FOXO3: variants seen among roughly 807,000 people sequenced by gnomAD.
FOXO3 encodes forkhead box protein O3.
FOXO3 carries 4 observed loss-of-function variants against 41.9 expected under a neutral mutation model. The ratio of observed to expected loss-of-function variants is 0.10; its 90% CI spans 0.05 to 0.22. FOXO3 has a LOEUF of 0.22. FOXO3 is among the 10% of genes least tolerant of loss of function. The pLI is 1.00. For missense variants in FOXO3, 534 were observed against 906.8 expected (o/e 0.59, Z 5.28); for synonymous variants, 318 against 389.3 (o/e 0.82, Z 2.16).
At chr6:108,664,953 G>T in intron 2 of FOXO3, 64 bp downstream of exon 2, 2 of 1,464,894 alleles carry the variant, frequency 1.4e-6, no homozygotes, top group Non-Finnish European at 1.8e-6. Context: ...CTCTGGGGGA[G>T]CCTGTCTTCT....
At chr6:108,562,117 C>T (rs1775817152) in intron 1 of FOXO3, among the ~76,000 whole-genome samples, 1 of 152,062 alleles carries the variant, frequency 6.6e-6, no homozygotes, top group Non-Finnish European at 1.5e-5. Context: ...AGTACATTTG[C>T]TGGATTCTCC....
At chr6:108,589,130 C>T (rs1037268273) in intron 1 of FOXO3, among the ~76,000 whole-genome samples, 2 of 152,104 alleles carry the variant, frequency 1.3e-5, no homozygotes, top group Non-Finnish European at 2.9e-5. Flanking sequence ...TGGACTGTTT[C>T]GCAAGTAGTT....
chr6:108,575,838 G>A (rs1776246528), intron 1 of FOXO3, among the ~76,000 whole-genome samples: 1 of 152,118 alleles, frequency 6.6e-6, no homozygotes, highest in Non-Finnish European at 1.5e-5. Context: ...ATAACATTTT[G>A]AGCAAGATAA....
chr6:108,607,835 G>A (rs181716974), intron 1 of FOXO3, among the ~76,000 whole-genome samples: 1 of 152,306 alleles, frequency 6.6e-6, no homozygotes, highest in Admixed American at 6.5e-5. Context: ...CTGTTAGAGG[G>A]TTGGGGAATA....
At chr6:108,628,087 A>G (rs746921394) in intron 1 of FOXO3, among the ~76,000 whole-genome samples, 1 of 152,080 alleles carries the variant, frequency 6.6e-6, no homozygotes, top group Non-Finnish European at 1.5e-5. Flanking sequence ...TAGTGAAGTA[A>G]TGTTGGTAAA....
chr6:108,678,702 T>G (rs1387562796), intron 2 of FOXO3, among the ~76,000 whole-genome samples: 1 of 151,880 alleles, frequency 6.6e-6, no homozygotes, highest in African/African-American at 2.4e-5. Context: ...ATATGTGTTA[T>G]GTAATTTTTT....
At chr6:108,649,629 G>A (rs746989803) in intron 1 of FOXO3, among the ~76,000 whole-genome samples, 14 of 147,212 alleles carry the variant, frequency 9.5e-5, no homozygotes, top group East Asian at 2.1e-4. Context: ...GGCTCAAGCC[G>A]TTTGTCTGCC....
intron 1 of FOXO3, among the ~76,000 whole-genome samples, chr6:108,583,292 G>C (rs556848778): frequency 2.2e-3 from 332 of 152,322 alleles, no homozygotes; most frequent in Non-Finnish European, 3.3e-3. Context: ...GAGACAACAG[G>C]CAGCCAAAAT....
chr6:108,601,039 G>A (rs914794198), intron 1 of FOXO3, among the ~76,000 whole-genome samples: 1 of 151,498 alleles, frequency 6.6e-6, no homozygotes, highest in African/African-American at 2.4e-5. Context: ...ACGGAGTCTT[G>A]CTCTGTCCGC....
chr6:108,599,641 A>G (rs1476432532), intron 1 of FOXO3, among the ~76,000 whole-genome samples: 2 of 152,168 alleles, frequency 1.3e-5, no homozygotes, highest in African/African-American at 2.4e-5. Context: ...TCATTTTCTA[A>G]AATCTTTCTC....
upstream of FOXO3, among the ~76,000 whole-genome samples, chr6:108,560,300 C>T (rs1387188175): frequency 6.6e-6 from 1 of 152,226 alleles, no homozygotes; most frequent in African/African-American, 2.4e-5. Flanking sequence ...CTCCCTCCCC[C>T]GGATCCCGAC....
chr6:108,676,687 C>T (rs1770606500), intron 2 of FOXO3, among the ~76,000 whole-genome samples: 1 of 152,194 alleles, frequency 6.6e-6, no homozygotes. Context: ...GAAACTTGTA[C>T]CCAAGCTAAG....
intron 2 of FOXO3, among the ~76,000 whole-genome samples, chr6:108,677,378 GCT>G (rs1328518368): frequency 8.5e-5 from 13 of 152,272 alleles, no homozygotes; most frequent in African/African-American, 3.1e-4. Flanking sequence ...GGCCTGTTCT[GCT>G]CAAAATTGTG....
chr6:108,616,145 G>A (rs1777500700), intron 1 of FOXO3, among the ~76,000 whole-genome samples: 2 of 133,076 alleles, frequency 1.5e-5, no homozygotes, highest in East Asian at 4.5e-4. Context: ...GTGCCATCAC[G>A]CCCAACTAAG....
rs772245519 is a variant in FOXO3 at position 108,647,637 on chromosome 6, A to G, written c.622-15818A>G. Among the ~76,000 whole-genome samples, 70 of 152,246 alleles carry G rather than the reference A, an allele frequency of 4.6e-4. 1 individual carries two copies. Among genetic ancestry groups the G allele is most frequent in the Middle Eastern group, 6.8e-3 (2 of 294 alleles). On this transcript the variant is annotated intron_variant, in intron 1 of 2. Transcript: ENST00000406360. Reference sequence around the variant, plus strand: ...GACCATGTGGCAACAATCCAGTATCATTTCAGAGGTACTAGACATGTAGAT... The same window carrying G: ...GACCATGTGGCAACAATCCAGTATCGTTTCAGAGGTACTAGACATGTAGAT...
In FOXO3 at chr6:108,632,638, G is replaced by A. The variant is rs184094172; in HGVS notation, c.622-30817G>A. Among the ~76,000 whole-genome samples, 93 of 152,262 alleles carry A rather than the reference G, an allele frequency of 6.1e-4. 1 individual carries two copies. Among genetic ancestry groups the A allele is most frequent in the Non-Finnish European group, 4.9e-4 (33 of 68,010 alleles). ...GTGAGACATACCAAAGGCAAGTGAAGCACATGGTAATAGAGAAAGCTGGCA... is the reference window on the plus strand; with the variant it reads ...GTGAGACATACCAAAGGCAAGTGAAACACATGGTAATAGAGAAAGCTGGCA... On this transcript the variant is annotated intron_variant, in intron 1 of 2. Transcript: ENST00000406360.
intron 1 of FOXO3, among the ~76,000 whole-genome samples, chr6:108,586,836 A>G (rs1348176605): frequency 6.6e-6 from 1 of 151,504 alleles, no homozygotes; most frequent in Non-Finnish European, 1.5e-5. Flanking sequence ...ATGAGACAAG[A>G]CTCTTGTTCT....
chr6:108,594,882 A>G (rs939552772), intron 1 of FOXO3, among the ~76,000 whole-genome samples: 1 of 152,322 alleles, frequency 6.6e-6, no homozygotes, highest in Admixed American at 6.5e-5. Context: ...GGCTACACCT[A>G]AGCAAAGTTT....
intron 1 of FOXO3, among the ~76,000 whole-genome samples, chr6:108,563,199 T>C (rs997602752): frequency 1.3e-5 from 2 of 152,218 alleles, no homozygotes; most frequent in Non-Finnish European, 2.9e-5. Flanking sequence ...GAATGTTTTA[T>C]TTTGCTTCTA....
Sources: allele counts gnomAD v4.1 joint callset (sites outside exome capture counted in the v4.1 genomes callset), GRCh38; gene constraint gnomAD v4.1.1; transcripts MANE v1.5; gene names NCBI Gene and HGNC (gene_info 2026-07-23, HGNC 2026-07-21).